MACROH2A2: variants seen among roughly 807,000 people sequenced by gnomAD.
MACROH2A2 encodes core histone macro-H2A.2.
A neutral mutation model predicts 37.6 loss-of-function variants in MACROH2A2; 6 were observed. The observed-to-expected ratio is 0.16, with a 90% CI of 0.09 to 0.32. MACROH2A2 has a LOEUF of 0.32. MACROH2A2 is among the 10% of genes least tolerant of loss of function. The pLI is 1.00. For missense variants in MACROH2A2, 290 were observed against 485.9 expected, an observed-to-expected ratio of 0.60 and a Z score of 3.79; for synonymous variants, 192 against 202.7, an observed-to-expected ratio of 0.95 and a Z score of 0.45.
At chr10:70,068,948 A>G (rs1224744107) in intron 1 of MACROH2A2, among the ~76,000 whole-genome samples, 1 of 152,194 alleles carries the variant, frequency 6.6e-6, no homozygotes, top group African/African-American at 2.4e-5. Flanking sequence ...TCAATAATAA[A>G]TGCTCCATAA....
At position 70,109,207 on chromosome 10, in the gene MACROH2A2, G is replaced by A. The variant is rs763619083; in HGVS notation, c.953G>A (p.Arg318Lys). The change falls in exon 8 of 9, where the codon AGA (arginine) becomes AAA (lysine). Residue 318 changes from arginine (R) to lysine (K), a missense_variant and splice_region_variant. By Grantham distance (26) the Arg-to-Lys change is conservative. Coordinates refer to ENST00000373255, the MANE Select transcript of MACROH2A2 (RefSeq NM_018649.3). ...SVAFPPFPSG[R>K]NCFPKQTAAQ... ...GCGTTCCCGCCTTTCCCCAGCGGCA[G>A]GTAAGATGCAGTTCCCCTGAGTTGA... 1 of 1,613,236 alleles carries A rather than the reference G, an allele frequency of 6.2e-7. No homozygotes were observed. Among genetic ancestry groups the A allele is most frequent in the Non-Finnish European group, 8.5e-7 (1 of 1,179,510 alleles).
At position 70,109,028 on chromosome 10, in the gene MACROH2A2, C is replaced by G. The variant is rs759715659; in HGVS notation, c.779-5C>G. 2 of 1,613,566 alleles carry G rather than the reference C, an allele frequency of 1.2e-6. No homozygotes were observed. The highest frequency in any genetic ancestry group is 2.7e-5 in the African/African-American group (2 of 74,908). On this transcript the variant is annotated splice_polypyrimidine_tract_variant and splice_region_variant and intron_variant, in intron 7 of 8. Coordinates refer to ENST00000373255, the MANE Select transcript of MACROH2A2 (RefSeq NM_018649.3). ...ACCCGCGGCATTTTCTCTCCTATGTCCCAGCCGCCGTCAGCCAATCCAGTG... is the reference window on the plus strand; with the variant it reads ...ACCCGCGGCATTTTCTCTCCTATGTGCCAGCCGCCGTCAGCCAATCCAGTG...
At position 70,055,018 on chromosome 10, in the gene MACROH2A2, T is replaced by G. The variant is rs2136612243; in HGVS notation, c.-60+2018T>G. Among the ~76,000 whole-genome samples the G allele has an allele frequency of 3.3e-5, 5 of 152,342 alleles. No homozygotes were observed. The South Asian group carries it at 1.0e-3, about 32-fold the overall frequency. On this transcript the variant is annotated intron_variant, in intron 1 of 8. Coordinates refer to ENST00000373255, the MANE Select transcript of MACROH2A2 (RefSeq NM_018649.3). ...CCTCCTTGAATCCGGAGTGTCCCTG[T>G]GATTCTGACCCTACTCCCTCACCAT...
At chr10:70,074,082 T>A (rs2072126315) in intron 1 of MACROH2A2, among the ~76,000 whole-genome samples, 2 of 152,238 alleles carry the variant, frequency 1.3e-5, no homozygotes, top group South Asian at 4.1e-4. Flanking sequence ...AATTTGCTTT[T>A]ACTTACTGAA....
At chr10:70,079,565 G>GCGCGCACACACA (rs1386558755) in intron 2 of MACROH2A2, among the ~76,000 whole-genome samples, 14 of 126,262 alleles carry the variant, frequency 1.1e-4, no homozygotes, top group African/African-American at 3.5e-4. Flanking sequence ...GCGCGCGCGC[G>GCGCGCACACACA]CACACACACA....
intron 1 of MACROH2A2, among the ~76,000 whole-genome samples, chr10:70,073,102 T>C (rs990745840): frequency 1.1e-4 from 16 of 152,302 alleles, no homozygotes; most frequent in Middle Eastern, 3.4e-3. Flanking sequence ...CCCAGGACTT[T>C]CTGTTCCGCA....
At chr10:70,109,319 A>G (rs2072356433) in intron 8 of MACROH2A2, 112 bp downstream of exon 8, 1 of 876,774 alleles carries the variant, frequency 1.1e-6, no homozygotes, top group Non-Finnish European at 1.8e-6. Flanking sequence ...ACAGCCAAGT[A>G]TGCTGACCAG....
In MACROH2A2 at chr10:70,053,501, CG is replaced by C. The variant is rs1244870492; in HGVS notation, c.-60+503del. ...CTCTGAAGGTGCCCGGGCAGGGCGCCGGCGGCTCCAGGCTGACAATGGAGGG... is the reference window on the plus strand; with the variant it reads ...CTCTGAAGGTGCCCGGGCAGGGCGCCGCGGCTCCAGGCTGACAATGGAGGG... On this transcript the variant is annotated intron_variant, in intron 1 of 8. Transcript: ENST00000373255. This position sits in a 1 kb window ranked among gnomAD's most constrained non-coding sequence, Gnocchi z 4.8. 5.9e-5 allele frequency among the ~76,000 whole-genome samples: 9 copies of C among 151,702 alleles called. No homozygotes were observed. The highest frequency in any genetic ancestry group is 1.3e-4 in the Admixed American group (2 of 15,242).
intron 1 of MACROH2A2, among the ~76,000 whole-genome samples, chr10:70,072,679 A>C (rs1289644935): frequency 1.3e-5 from 2 of 152,160 alleles, no homozygotes; most frequent in Admixed American, 1.3e-4. Flanking sequence ...TAGGTTGGCC[A>C]GGTGTGGTGG....
In MACROH2A2 at chr10:70,067,527, T is replaced by G. The variant is rs2072086105; in HGVS notation, c.-59-8073T>G. Among the ~76,000 whole-genome samples, 5 of 152,322 alleles carry G rather than the reference T, an allele frequency of 3.3e-5. No individual in the cohort carries two copies. The South Asian group carries it at 1.0e-3, about 32-fold the overall frequency. ...ATGTGATGAGCACTATACTCAGTTC[T>G]GCAGGGAACAATATTTAGAAAGTCT... On this transcript the variant is annotated intron_variant, in intron 1 of 8. Transcript: ENST00000373255.
intron 1 of MACROH2A2, among the ~76,000 whole-genome samples, chr10:70,057,607 A>G (rs915126513): frequency 1.4e-4 from 22 of 152,208 alleles, no homozygotes; most frequent in South Asian, 2.1e-4. Context: ...TTAAACTTTC[A>G]TTATTACCCC....
In MACROH2A2 at chr10:70,075,450, T is replaced by C. The variant is rs1381223273; in HGVS notation, c.-59-150T>C. ...GCCCTTCAGAGACCCCATGCCTGAC[T>C]CCGTGCCTCCTGCACCTGCAGTAGC... On this transcript the variant is annotated intron_variant, in intron 1 of 8. Transcript: ENST00000373255. This position sits in a 1 kb window ranked among gnomAD's most constrained non-coding sequence, Gnocchi z 5.0. The C allele has an allele frequency of 1.8e-6, 1 of 555,972 alleles. No individual in the cohort carries two copies. Among genetic ancestry groups the C allele is most frequent in the African/African-American group, 1.9e-5 (1 of 52,614 alleles). 34.4% of individuals were successfully genotyped at this position (555,972 alleles called of 1,614,324 possible).
intron 1 of MACROH2A2, among the ~76,000 whole-genome samples, chr10:70,054,018 A>G (rs1460821156): frequency 6.6e-6 from 1 of 152,032 alleles, no homozygotes. Context: ...AGCCCCCCGG[A>G]TCGCCCGTGG....
intron 7 of MACROH2A2, among the ~76,000 whole-genome samples, chr10:70,102,172 G>A (rs952697534): frequency 6.6e-6 from 1 of 152,242 alleles, no homozygotes; most frequent in Non-Finnish European, 1.5e-5. Flanking sequence ...GCGTAGGGGA[G>A]CGTGGGAGGA....
chr10:70,060,357 C>G (rs953184293), intron 1 of MACROH2A2, among the ~76,000 whole-genome samples: 1 of 150,548 alleles, frequency 6.6e-6, no homozygotes, highest in Non-Finnish European at 1.5e-5. Flanking sequence ...GCGACAGAGC[C>G]AGACTCTCTT....
At chr10:70,090,441 G>A (rs1039940840) in intron 3 of MACROH2A2, among the ~76,000 whole-genome samples, 21 of 152,154 alleles carry the variant, frequency 1.4e-4, no homozygotes, top group African/African-American at 5.1e-4. Flanking sequence ...GGAAGGTGTG[G>A]CACAAATGTT....
At chr10:70,076,446 G>A (rs1261369861) in intron 2 of MACROH2A2, among the ~76,000 whole-genome samples, 1 of 152,138 alleles carries the variant, frequency 6.6e-6, no homozygotes, top group Non-Finnish European at 1.5e-5. Flanking sequence ...TGAAAGATGA[G>A]ATTTTGCTGT....
rs1315597488 is a variant in MACROH2A2, at chr10:70,075,442, T to G, written c.-59-158T>G. On this transcript the variant is annotated intron_variant, in intron 1 of 8. Coordinates refer to ENST00000373255, the MANE Select transcript of MACROH2A2 (RefSeq NM_018649.3). The surrounding 1 kb of genome is among the most constrained non-coding windows in gnomAD (Gnocchi z 5.0). The stretch of plus-strand genomic sequence containing the variant: ...TTGCCCATGCCCTTCAGAGACCCCA[T>G]GCCTGACTCCGTGCCTCCTGCACCT... 3.5e-4 allele frequency among the ~76,000 whole-genome samples: 54 copies of G among 152,174 alleles called. 1 individual carries two copies. The highest frequency in any genetic ancestry group is 3.5e-3 in the Admixed American group (54 of 15,284).
chr10:70,063,606 AT>A (rs1554821441), intron 1 of MACROH2A2, among the ~76,000 whole-genome samples: 3 of 152,246 alleles, frequency 2.0e-5, no homozygotes, highest in Non-Finnish European at 4.4e-5. Context: ...CAGCATACTC[AT>A]TTCTAGGCTG....
Sources: allele counts gnomAD v4.1 joint callset (sites outside exome capture counted in the v4.1 genomes callset), GRCh38; gene constraint gnomAD v4.1.1; non-coding constraint Gnocchi (gnomAD v3.1); transcripts MANE v1.5; gene names NCBI Gene and HGNC (gene_info 2026-07-23, HGNC 2026-07-21).